The following CAMTA1 variants were observed in gnomAD, a reference collection of about 807,000 sequenced individuals.
CAMTA1 encodes the protein calmodulin binding transcription activator 1.
A neutral mutation model predicts 170.9 loss-of-function variants in CAMTA1; 27 were observed. The observed-to-expected ratio is 0.16, with a 90% CI of 0.12 to 0.22. The LOEUF (loss-of-function observed/expected upper bound fraction) is 0.22. Among genes scored for constraint, CAMTA1 ranks in the 10% least tolerant of loss-of-function variants. CAMTA1 has a pLI of 1.00. For missense variants in CAMTA1, 1,619 were observed against 2,217.2 expected (o/e 0.73, Z 5.42); for synonymous variants, 833 against 891.5 (o/e 0.93, Z 1.17).
chr1:7,202,208 GT>G (rs1656838081), intron 4 of CAMTA1, among the ~76,000 whole-genome samples: 1 of 152,150 alleles, frequency 6.6e-6, no homozygotes, highest in Non-Finnish European at 1.5e-5. Context: ...AGCTGTATGG[GT>G]TTATTTCTAG....
chr1:7,635,142 G>T lies in CAMTA1; in HGVS notation c.511-5258G>T, dbSNP rs1373888128. 6.6e-6 allele frequency among the ~76,000 whole-genome samples: 1 copy of T among 152,154 alleles called. No individual in the cohort carries two copies. The highest frequency in any genetic ancestry group is 1.5e-5 in the Non-Finnish European group (1 of 68,034). ...CATCTCCAAAGGTCACGATCACTTT[G>T]GGGGGTGACCCCTAGCATCTCTCAT... On this transcript the variant is annotated intron_variant, in intron 6 of 22. Transcript: ENST00000303635. The surrounding 1 kb of genome is among the most constrained non-coding windows in gnomAD (Gnocchi z 4.4).
At chr1:6,929,351 T>A (rs1356630856) in intron 3 of CAMTA1, among the ~76,000 whole-genome samples, 1 of 145,030 alleles carries the variant, frequency 6.9e-6, no homozygotes, top group African/African-American at 2.5e-5. Flanking sequence ...AGCTAATTTT[T>A]TTTTTTTTGT....
intron 3 of CAMTA1, among the ~76,000 whole-genome samples, chr1:7,013,684 A>C (rs1206374579): frequency 6.6e-6 from 1 of 151,898 alleles, no homozygotes; most frequent in Non-Finnish European, 1.5e-5. Flanking sequence ...TGAACTTTGG[A>C]GTGCTGGACT....
At chr1:7,487,402 T>C (rs568752806) in intron 6 of CAMTA1, among the ~76,000 whole-genome samples, 1 of 152,384 alleles carries the variant, frequency 6.6e-6, no homozygotes, top group South Asian at 2.1e-4. Flanking sequence ...CCTGTCTTTA[T>C]TTAAAATGTT....
chr1:6,930,631 C>G (rs768754307), intron 3 of CAMTA1, among the ~76,000 whole-genome samples: 1 of 152,182 alleles, frequency 6.6e-6, no homozygotes, highest in South Asian at 2.1e-4. Flanking sequence ...GCTGTACCCC[C>G]CTTTGTCCTA....
At position 7,634,059 on chromosome 1, in the gene CAMTA1, A is replaced by C. The variant is rs1209072825; in HGVS notation, c.511-6341A>C. On this transcript the variant is annotated intron_variant, in intron 6 of 22. Coordinates refer to ENST00000303635, the MANE Select transcript of CAMTA1 (RefSeq NM_015215.4). The surrounding 1 kb of genome is among the most constrained non-coding windows in gnomAD (Gnocchi z 6.2). The stretch of plus-strand genomic sequence containing the variant: ...AGGTGGCCCGGCCTGGAACCGTGGC[A>C]GGAGTGTGGGCCTGATCTCAGTGCC... Among the ~76,000 whole-genome samples the C allele has an allele frequency of 5.3e-5, 8 of 152,184 alleles. No individual in the cohort carries two copies. Among genetic ancestry groups the C allele is most frequent in the African/African-American group, 1.4e-4 (6 of 41,454 alleles).
intron 5 of CAMTA1, among the ~76,000 whole-genome samples, chr1:7,252,252 C>T (rs1326728286): frequency 2.0e-5 from 3 of 152,208 alleles, no homozygotes; most frequent in African/African-American, 7.2e-5. Flanking sequence ...TCCCCACATC[C>T]TCTCGCTTAG....
At chr1:6,941,116 T>C (rs1485113641) in intron 3 of CAMTA1, among the ~76,000 whole-genome samples, 1 of 152,046 alleles carries the variant, frequency 6.6e-6, no homozygotes, top group Non-Finnish European at 1.5e-5. Flanking sequence ...GAACTGAGGT[T>C]CGCCGACTTC....
Position 6,971,872 on chromosome 1 carries a change from C to T in CAMTA1, c.235-119432C>T, listed in dbSNP as rs181809230. ...CGCTGCCATTGGCGTCAGCAAGGCC[C>T]GTCAGCCTCCCCAAAAAGCCAGAGC... On this transcript the variant is annotated intron_variant, in intron 3 of 22. Coordinates refer to ENST00000303635, the MANE Select transcript of CAMTA1 (RefSeq NM_015215.4). The surrounding 1 kb of genome is among the most constrained non-coding windows in gnomAD (Gnocchi z 4.6). Among the ~76,000 whole-genome samples the T allele has an allele frequency of 4.6e-5, 7 of 152,342 alleles. No individual in the cohort carries two copies. In the East Asian group the frequency reaches 7.7e-4, roughly 17 times the overall value.
chr1:6,860,636 G>T (rs1664314878), intron 3 of CAMTA1, among the ~76,000 whole-genome samples: 1 of 152,090 alleles, frequency 6.6e-6, no homozygotes, highest in African/African-American at 2.4e-5. Flanking sequence ...AGGGCCGGGC[G>T]CAATGACTCA....
intron 4 of CAMTA1, among the ~76,000 whole-genome samples, chr1:7,213,967 C>T (rs1432904905): frequency 6.6e-5 from 10 of 152,156 alleles, no homozygotes; most frequent in African/African-American, 2.4e-4. Context: ...CATAGTATTC[C>T]ATGGTGTATA....
intron 4 of CAMTA1, among the ~76,000 whole-genome samples, chr1:7,134,552 TC>T (rs921755952): frequency 7.2e-5 from 11 of 152,136 alleles, no homozygotes; most frequent in Non-Finnish European, 1.6e-4. Context: ...AAGTGATCCT[TC>T]CACCTTGGCC....
chr1:7,065,460 G>A lies in CAMTA1; in HGVS notation c.235-25844G>A, dbSNP rs1007767663. Among the ~76,000 whole-genome samples, 4 of 152,160 alleles carry A rather than the reference G, an allele frequency of 2.6e-5. No homozygotes were observed. The highest frequency in any genetic ancestry group is 4.4e-5 in the Non-Finnish European group (3 of 68,034). ...GGGATGGGAATGGAGGAAGGAGAGA[G>A]GGCTGGAGGAAGAAAGGAAGAGAAA... On this transcript the variant is annotated intron_variant, in intron 3 of 22. Coordinates refer to ENST00000303635, the MANE Select transcript of CAMTA1 (RefSeq NM_015215.4). The surrounding 1 kb of genome is among the most constrained non-coding windows in gnomAD (Gnocchi z 5.2).
chr1:7,736,783 C>G lies in CAMTA1; in HGVS notation c.3264-148C>G, dbSNP rs1318737768. 1 of 712,776 alleles carries G rather than the reference C, an allele frequency of 1.4e-6. No individual in the cohort carries two copies. The allele number at this position is 712,776 out of a possible 1,614,324, so 44.2% of individuals were successfully genotyped here. ...TCTTTGGACCCCTAGCCAAATGGAG[C>G]GTCCACACTGCCCTGGGACTCTGTT... On this transcript the variant is annotated intron_variant, in intron 13 of 22. Coordinates refer to ENST00000303635, the MANE Select transcript of CAMTA1 (RefSeq NM_015215.4). The surrounding 1 kb of genome is among the most constrained non-coding windows in gnomAD (Gnocchi z 4.5).
At chr1:6,820,134 T>C (rs766979765) in intron 1 of CAMTA1, 47 bp from the exon 2 acceptor site, 6 of 1,141,928 alleles carry the variant, frequency 5.3e-6, no homozygotes, top group Non-Finnish European at 8.0e-6. Context: ...AGCCAGATTA[T>C]ATCTTTTTGA....
chr1:7,051,087 C>T (rs1048826596), intron 3 of CAMTA1, among the ~76,000 whole-genome samples: 5 of 152,180 alleles, frequency 3.3e-5, no homozygotes, highest in African/African-American at 9.7e-5. Flanking sequence ...AAGGTGCCCA[C>T]GTCCCTCTGG....
intron 3 of CAMTA1, among the ~76,000 whole-genome samples, chr1:7,043,552 G>T (rs1276269822): frequency 6.6e-6 from 1 of 152,190 alleles, no homozygotes; most frequent in Non-Finnish European, 1.5e-5. Context: ...CAGAGGCTCG[G>T]CGGAAAACAT....
At chr1:6,846,667 G>A (rs1054394617) in intron 3 of CAMTA1, among the ~76,000 whole-genome samples, 10 of 152,106 alleles carry the variant, frequency 6.6e-5, no homozygotes, top group Non-Finnish European at 1.3e-4. Context: ...TAATAATAAA[G>A]AATCATTAGT....
chr1:7,233,153 C>T (rs1663156682), intron 4 of CAMTA1, among the ~76,000 whole-genome samples: 1 of 152,180 alleles, frequency 6.6e-6, no homozygotes. Flanking sequence ...GATGTTTAGT[C>T]CTTCCTGCTA....
Sources: allele counts gnomAD v4.1 joint callset (sites outside exome capture counted in the v4.1 genomes callset), GRCh38; gene constraint gnomAD v4.1.1; non-coding constraint Gnocchi (gnomAD v3.1); transcripts MANE v1.5; gene names NCBI Gene and HGNC (gene_info 2026-07-23, HGNC 2026-07-21).